The following LRRC28 variants were observed in gnomAD, a reference collection of about 807,000 sequenced individuals.
The protein encoded by LRRC28 is leucine-rich repeat-containing protein 28.
In LRRC28, 39 loss-of-function variants were observed where a neutral mutation model predicts 45.7. That is an observed-to-expected ratio of 0.85 (90% CI 0.66 to 1.12). LRRC28 has a LOEUF of 1.12. Ranked by LOEUF, LRRC28 falls within the 50% of genes most tolerant of loss-of-function variation. The pLI is 0.00. For missense variants in LRRC28, 435 were observed against 438.5 expected, an observed-to-expected ratio of 0.99 and a Z score of 0.07; for synonymous variants, 206 against 178.8, an observed-to-expected ratio of 1.15 and a Z score of -1.22.
chr15:99,330,431 ATATATT>A (rs1372593035), intron 5 of LRRC28, among the ~76,000 whole-genome samples: 2 of 152,042 alleles, frequency 1.3e-5, no homozygotes, highest in Admixed American at 1.3e-4. Flanking sequence ...TTACATGTCT[ATATATT>A]TATAGTTGAC....
In LRRC28 at chr15:99,333,921, A is replaced by G; in HGVS notation, c.386-2A>G. ...TTATCCTAATTTTGATTTTGGTTGT[A>G]GAGGTTGGCGATTTGAAGGAGCTGC... On this transcript the variant is annotated splice_acceptor_variant, in intron 5 of 9. Transcript: ENST00000301981. LOFTEE classifies it high-confidence loss of function. 2 of 1,613,898 alleles carry G rather than the reference A, an allele frequency of 1.2e-6. No individual in the cohort carries two copies. The highest frequency in any genetic ancestry group is 1.7e-6 in the Non-Finnish European group (2 of 1,179,842).
chr15:99,257,491 A>C lies in LRRC28; in HGVS notation c.168+1366A>C, dbSNP rs1188091990. Reference sequence around the variant, plus strand: ...TAGCCCAATGGGGTAGACTTTGTTCAGAGAATTGACCTTTGCTTATAAAAG... The same window carrying C: ...TAGCCCAATGGGGTAGACTTTGTTCCGAGAATTGACCTTTGCTTATAAAAG... On this transcript the variant is annotated intron_variant, in intron 2 of 9. Transcript: ENST00000301981. The C allele has an allele frequency of 8.1e-6, 3 of 371,020 alleles. No individual in the cohort carries two copies. In the Admixed American group the frequency reaches 1.2e-4, roughly 15 times the overall value. The allele number at this position is 371,020 out of a possible 1,614,324, so 23.0% of individuals were successfully genotyped here.
chr15:99,286,042 G>A (rs2081949722), intron 3 of LRRC28, among the ~76,000 whole-genome samples: 1 of 152,068 alleles, frequency 6.6e-6, no homozygotes, highest in South Asian at 2.1e-4. Context: ...TGTGTTTATT[G>A]ACATTTTAAT....
At chr15:99,339,468 C>T (rs373505942) in intron 6 of LRRC28, among the ~76,000 whole-genome samples, 2 of 152,202 alleles carry the variant, frequency 1.3e-5, no homozygotes, top group Non-Finnish European at 2.9e-5. Context: ...CCGTGGCTCA[C>T]GCCTGTAATC....
At chr15:99,382,708 C>G (rs929642418) in intron 9 of LRRC28, among the ~76,000 whole-genome samples, 4 of 151,830 alleles carry the variant, frequency 2.6e-5, no homozygotes, top group Non-Finnish European at 4.4e-5. Flanking sequence ...CAGCTCTGTC[C>G]AGGTGGGCAA....
At chr15:99,267,385 G>A (rs71403442) in intron 2 of LRRC28, among the ~76,000 whole-genome samples, 14,490 of 152,176 alleles carry the variant, frequency 0.095, 967 homozygotes, top group East Asian at 0.31. Context: ...AGCCAAGTGC[G>A]GTAGGAGAAA....
intron 7 of LRRC28, chr15:99,360,862 C>T (rs115350772): frequency 1.3e-5 from 2 of 152,578 alleles, no homozygotes; most frequent in African/African-American, 4.8e-5. Context: ...TGGAAGGATC[C>T]AATAAAGTTA....
intron 6 of LRRC28, among the ~76,000 whole-genome samples, chr15:99,342,605 A>G (rs916038835): frequency 6.6e-6 from 1 of 152,222 alleles, no homozygotes; most frequent in African/African-American, 2.4e-5. Flanking sequence ...AAGGAAGTGT[A>G]GGAACTGTGT....
chr15:99,314,590 G>A (rs1265760579), intron 5 of LRRC28, among the ~76,000 whole-genome samples: 6 of 152,114 alleles, frequency 3.9e-5, no homozygotes, highest in African/African-American at 1.4e-4. Flanking sequence ...TACTGGGTAA[G>A]TTCCTGTGTT....
At chr15:99,289,182 A>C (rs968792878) in intron 5 of LRRC28, among the ~76,000 whole-genome samples, 4 of 152,124 alleles carry the variant, frequency 2.6e-5, no homozygotes, top group African/African-American at 9.7e-5. Context: ...GCATCCAGAG[A>C]CCTTGCTTTG....
intron 5 of LRRC28, among the ~76,000 whole-genome samples, chr15:99,290,312 T>TA (rs551376878): frequency 5.1e-4 from 77 of 152,174 alleles, no homozygotes; most frequent in African/African-American, 1.8e-3. Flanking sequence ...GACTGTGTTT[T>TA]AAAAAATATT....
At chr15:99,256,581 C>T (rs1452251040) in intron 2 of LRRC28, among the ~76,000 whole-genome samples, 1 of 152,182 alleles carries the variant, frequency 6.6e-6, no homozygotes, top group South Asian at 2.1e-4. Context: ...AAGAGATGCA[C>T]TTGGGAAGCT....
intron 6 of LRRC28, among the ~76,000 whole-genome samples, chr15:99,334,928 G>C (rs28520505): frequency 0.41 from 61,596 of 151,902 alleles, 13,070 homozygotes; most frequent in African/African-American, 0.55. Flanking sequence ...TATTTTCCAA[G>C]ATAATACAAT....
At chr15:99,384,455 A>G (rs1348951238) in intron 9 of LRRC28, 1 of 152,174 alleles carries the variant, frequency 6.6e-6, no homozygotes, top group Non-Finnish European at 1.5e-5. Context: ...AAACCTCTAC[A>G]TTTAGCCTCA....
intron 2 of LRRC28, chr15:99,259,687 T>A: frequency 7.2e-7 from 1 of 1,385,516 alleles, no homozygotes; most frequent in Non-Finnish European, 1.0e-6. Flanking sequence ...ATCCCAGACA[T>A]CCGCTGATCA....
At chr15:99,321,731 T>G (rs1422583426) in intron 5 of LRRC28, among the ~76,000 whole-genome samples, 3 of 152,150 alleles carry the variant, frequency 2.0e-5, no homozygotes, top group African/African-American at 7.2e-5. Context: ...AGGAATACAT[T>G]AAGTCAAAAA....
At position 99,388,340 on chromosome 15, in the gene LRRC28, T is replaced by C. The variant is rs1195143561; in HGVS notation, c.*2238T>C. On this transcript the variant is annotated 3_prime_UTR_variant, in exon 10 of 10. Coordinates refer to ENST00000301981, the MANE Select transcript of LRRC28 (RefSeq NM_144598.5). ...CAGGATTCTCATTGTGATAAGGTGA[T>C]ACATTAGTTTTACCTTGTTTGAAAT... The C allele has an allele frequency of 2.6e-5, 4 of 152,362 alleles. 1 individual carries two copies. Among genetic ancestry groups the C allele is most frequent in the African/African-American group, 9.6e-5 (4 of 41,582 alleles). 9.4% of individuals were successfully genotyped at this position (152,362 alleles called of 1,614,324 possible).
intron 9 of LRRC28, 156 bp downstream of exon 9, chr15:99,363,421 A>G (rs997443552): frequency 4.1e-6 from 3 of 735,948 alleles, no homozygotes; most frequent in African/African-American, 3.6e-5. Flanking sequence ...CTCACTTTCA[A>G]CATCACAAGA....
chr15:99,257,506 G>A (rs1305309085), intron 2 of LRRC28: 7 of 404,010 alleles, frequency 1.7e-5, no homozygotes, highest in African/African-American at 6.1e-5. Flanking sequence ...ATTGACCTTT[G>A]CTTATAAAAG....
Sources: allele counts gnomAD v4.1 joint callset (sites outside exome capture counted in the v4.1 genomes callset), GRCh38; gene constraint gnomAD v4.1.1; transcripts MANE v1.5; gene names NCBI Gene and HGNC (gene_info 2026-07-23, HGNC 2026-07-21).